The following FAM193B variants were observed in gnomAD, a reference collection of about 807,000 sequenced individuals.
The protein encoded by FAM193B is protein FAM193B.
In FAM193B, 27 loss-of-function variants were observed where a neutral mutation model predicts 70.7. The observed-to-expected ratio is 0.38, with a 90% CI of 0.28 to 0.53. The LOEUF (loss-of-function observed/expected upper bound fraction) is 0.53. FAM193B is among the 20% of genes least tolerant of loss of function. The pLI, the probability that FAM193B is intolerant of heterozygous loss-of-function variation, is 0.81. For missense variants in FAM193B, 1,022 were observed against 1,072.5 expected (o/e 0.95, Z 0.66); for synonymous variants, 448 against 436.0 (o/e 1.03, Z -0.34).
chr5:177,531,564 G>T, intron 5 of FAM193B: 1 of 1,230,312 alleles, frequency 8.1e-7, no homozygotes, highest in South Asian at 1.3e-5. Context: ...CCTGGGCCTG[G>T]GGGGCCCACA....
chr5:177,539,552 G>A (rs1329073749), intron 1 of FAM193B, among the ~76,000 whole-genome samples: 2 of 152,232 alleles, frequency 1.3e-5, no homozygotes, highest in East Asian at 3.8e-4. Context: ...AGGGACCAAT[G>A]CCCATCTGGA....
At chr5:177,526,625 C>G (rs932372053) in intron 5 of FAM193B, among the ~76,000 whole-genome samples, 21 of 152,218 alleles carry the variant, frequency 1.4e-4, no homozygotes, top group Non-Finnish European at 2.5e-4. Context: ...CAGAAACACA[C>G]ACTTTCTGCT....
At chr5:177,541,442 G>T (rs560889480) in intron 1 of FAM193B, among the ~76,000 whole-genome samples, 1 of 151,880 alleles carries the variant, frequency 6.6e-6, no homozygotes. Context: ...CTTTTGAGAC[G>T]GAGTCTCGCT....
intron 5 of FAM193B, chr5:177,531,330 G>T (rs1489062504): frequency 1.5e-6 from 2 of 1,358,944 alleles, no homozygotes; most frequent in African/African-American, 3.0e-5. Flanking sequence ...TGGCGCTGTT[G>T]GGGACTTTGG....
At chr5:177,550,517 A>G (rs1766072502) in intron 1 of FAM193B, among the ~76,000 whole-genome samples, 2 of 152,264 alleles carry the variant, frequency 1.3e-5, no homozygotes, top group African/African-American at 2.4e-5. Flanking sequence ...TCGGATCTCT[A>G]GAGTCCCTTT....
intron 5 of FAM193B, among the ~76,000 whole-genome samples, chr5:177,529,259 T>C (rs1392608936): frequency 8.2e-6 from 1 of 122,370 alleles, no homozygotes; most frequent in Non-Finnish European, 1.8e-5. Context: ...AAGGTGAGAG[T>C]GTCACGGGCT....
chr5:177,520,535 A>G (rs1426276604), intron 8 of FAM193B, among the ~76,000 whole-genome samples: 1 of 152,076 alleles, frequency 6.6e-6, no homozygotes, highest in Non-Finnish European at 1.5e-5. Context: ...AGAGGCTCAA[A>G]GGAGAGCGCT....
Position 177,532,418 on chromosome 5 carries a change from C to T in FAM193B, c.1275+25G>A. 1.9e-6 allele frequency: 3 copies of T among 1,599,458 alleles called. No homozygotes were observed. The highest frequency in any genetic ancestry group is 1.7e-6 in the Non-Finnish European group (2 of 1,174,276). ...CTCACCTTGGCTGGCCCCCAGCCCT[C>T]TCTAGCCTGGGCAGGCTCACTCACC... On this transcript the variant is annotated intron_variant, in intron 5 of 8. Transcript: ENST00000514747. The surrounding 1 kb of genome is among the most constrained non-coding windows in gnomAD (Gnocchi z 4.9).
chr5:177,531,123 G>A (rs543569848), intron 5 of FAM193B, among the ~76,000 whole-genome samples: 36 of 152,278 alleles, frequency 2.4e-4, no homozygotes, highest in African/African-American at 8.4e-4. Context: ...CAGGATCCCT[G>A]ACCCTGATGC....
Position 177,538,226 on chromosome 5 carries a change from AAC to A in FAM193B, c.454-121_454-120del. On this transcript the variant is annotated intron_variant, in intron 2 of 8. Transcript: ENST00000514747. This position sits in a 1 kb window ranked among gnomAD's most constrained non-coding sequence, Gnocchi z 4.1. ...CCTCCAGACCATGTGCCATAGCAAA[AAC>A]ACAATTAATACAACTCCAGCTATAA... is the stretch of plus-strand genomic sequence containing the variant. 1 of 1,028,696 alleles carries A rather than the reference AAC, an allele frequency of 9.7e-7. No homozygotes were observed. The highest frequency in any genetic ancestry group is 1.4e-6 in the Non-Finnish European group (1 of 721,132). 63.7% of individuals were successfully genotyped at this position (1,028,696 alleles called of 1,614,324 possible). A position where few individuals can be genotyped will look rare whatever the true frequency, so the allele number is the denominator to read the frequency against.
At chr5:177,537,216 T>C (rs1454464754) in intron 3 of FAM193B, among the ~76,000 whole-genome samples, 5 of 152,332 alleles carry the variant, frequency 3.3e-5, no homozygotes, top group African/African-American at 1.2e-4. Context: ...CTCTAGCTTA[T>C]GTACCAAAAT....
At chr5:177,522,354 A>G (rs1761886269) in intron 7 of FAM193B, among the ~76,000 whole-genome samples, 1 of 152,136 alleles carries the variant, frequency 6.6e-6, no homozygotes, top group Admixed American at 6.5e-5. Context: ...GGCTTCCGTC[A>G]TTCCCTTAAG....
rs1763609934 is a variant in FAM193B at position 177,532,370 on chromosome 5, G to A, written c.1275+73C>T. ...ACCACCGTGAGCAACGGGGTCTCTG[G>A]GGAGAGCAGGGTGCTCCTTTTGCTC... On this transcript the variant is annotated intron_variant, in intron 5 of 8. Coordinates refer to ENST00000514747, the MANE Select transcript of FAM193B (RefSeq NM_001190946.3). This position sits in a 1 kb window ranked among gnomAD's most constrained non-coding sequence, Gnocchi z 4.9. 1.3e-6 allele frequency: 2 copies of A among 1,533,292 alleles called. No homozygotes were observed. The highest frequency in any genetic ancestry group is 8.7e-7 in the Non-Finnish European group (1 of 1,143,024). 95.0% of individuals were successfully genotyped at this position (1,533,292 alleles called of 1,614,324 possible).
chr5:177,542,811 A>C (rs1299665508), intron 1 of FAM193B, among the ~76,000 whole-genome samples: 1 of 152,046 alleles, frequency 6.6e-6, no homozygotes, highest in Admixed American at 6.6e-5. Flanking sequence ...TGCACAATTT[A>C]TTTTCCTGTA....
intron 1 of FAM193B, among the ~76,000 whole-genome samples, chr5:177,550,876 C>T (rs1361981530): frequency 6.6e-6 from 1 of 152,184 alleles, no homozygotes; most frequent in Non-Finnish European, 1.5e-5. Context: ...CTCCCCCAGG[C>T]TGGGGTGCAG....
chr5:177,545,819 T>C (rs1765361505), intron 1 of FAM193B, among the ~76,000 whole-genome samples: 1 of 152,218 alleles, frequency 6.6e-6, no homozygotes, highest in South Asian at 2.1e-4. Flanking sequence ...GTGGCCTCAT[T>C]CATCCCATGG....
chr5:177,539,622 T>C (rs73336014), intron 1 of FAM193B, among the ~76,000 whole-genome samples: 20,429 of 152,182 alleles, frequency 0.13, 2,353 homozygotes, highest in African/African-American at 0.31. Context: ...TTCTGAAGAA[T>C]TGCACAATTC....
Position 177,532,046 on chromosome 5 carries a change from C to T in FAM193B, c.1275+397G>A. 7.7e-7 allele frequency: 1 copy of T among 1,293,584 alleles called. No individual in the cohort carries two copies. The highest frequency in any genetic ancestry group is 1.0e-6 in the Non-Finnish European group (1 of 991,850). 80.1% of individuals were successfully genotyped at this position (1,293,584 alleles called of 1,614,324 possible). A position where few individuals can be genotyped will look rare whatever the true frequency, so the allele number is the denominator to read the frequency against. ...TCCTGGCGCCGTCTGTGCTCACGGC[C>T]TGTCCCTCGGCTGGCTGTCACACTT... On this transcript the variant is annotated intron_variant, in intron 5 of 8. Transcript: ENST00000514747. The surrounding 1 kb of genome is among the most constrained non-coding windows in gnomAD (Gnocchi z 4.9).
At position 177,531,733 on chromosome 5, in the gene FAM193B, A is replaced by G. The variant is rs1581875763; in HGVS notation, c.1275+710T>C. The stretch of plus-strand genomic sequence containing the variant: ...GGAGGGAACAGGGCAGAGCTGGGCA[A>G]ACACTGACTGGGGAGCCAGAAAAAC... On this transcript the variant is annotated intron_variant, in intron 5 of 8. Transcript: ENST00000514747. The G allele has an allele frequency of 6.4e-6, 4 of 626,492 alleles. 1 individual carries two copies. In the Admixed American group the frequency reaches 1.5e-4, roughly 24 times the overall value. 38.8% of individuals were successfully genotyped at this position (626,492 alleles called of 1,614,324 possible). A position where few individuals can be genotyped will look rare whatever the true frequency, so the allele number is the denominator to read the frequency against.
Sources: gnomAD v4.1 joint callset for allele counts (sites outside exome capture counted in the v4.1 genomes callset) on GRCh38, gnomAD v4.1.1 for gene constraint, Gnocchi (gnomAD v3.1) non-coding constraint, MANE v1.5 for transcripts, NCBI Gene and HGNC (gene_info 2026-07-23, HGNC 2026-07-21) for gene names.